PTPRJ: variants seen among roughly 807,000 people sequenced by gnomAD.
PTPRJ encodes protein tyrosine phosphatase receptor type J, also known as receptor-type tyrosine-protein phosphatase eta.
Under a neutral mutation model 141.3 loss-of-function variants are expected in PTPRJ, and 129 were observed. The ratio of observed to expected loss-of-function variants is 0.91; its 90% CI spans 0.79 to 1.06. The LOEUF is 1.06. Ranked by LOEUF, PTPRJ falls within the 50% of genes least tolerant of loss-of-function variation. The pLI, the probability that PTPRJ is intolerant of heterozygous loss-of-function variation, is 0.00. For synonymous variants in PTPRJ, 610 were observed against 640.5 expected, an observed-to-expected ratio of 0.95 and a Z score of 0.72; for missense variants, 1,601 against 1,679.7, an observed-to-expected ratio of 0.95 and a Z score of 0.82.
chr11:48,008,471 GC>G (rs1393606347), intron 1 of PTPRJ, among the ~76,000 whole-genome samples: 1 of 152,058 alleles, frequency 6.6e-6, no homozygotes, highest in Non-Finnish European at 1.5e-5. Context: ...TCTTGGCCAG[GC>G]TGGTCTTGAA....
At chr11:48,006,150 A>G (rs1854615127) in intron 1 of PTPRJ, among the ~76,000 whole-genome samples, 1 of 152,156 alleles carries the variant, frequency 6.6e-6, no homozygotes, top group African/African-American at 2.4e-5. Flanking sequence ...TCGAGTTAGG[A>G]GAGTGGGTTG....
At chr11:48,074,325 T>C (rs184153134) in intron 1 of PTPRJ, among the ~76,000 whole-genome samples, 1 of 152,382 alleles carries the variant, frequency 6.6e-6, no homozygotes, top group East Asian at 1.9e-4. Flanking sequence ...GTCTTTAGTA[T>C]TGACATGTTG....
Position 48,169,944 on chromosome 11 carries a change from G to A in PTPRJ, c.*2582G>A, listed in dbSNP as rs1029056796. 3.3e-5 allele frequency: 5 copies of A among 152,168 alleles called. No homozygotes were observed. The highest frequency in any genetic ancestry group is 9.7e-5 in the African/African-American group (4 of 41,380). The allele number at this position is 152,168 out of a possible 1,614,324, so 9.4% of individuals were successfully genotyped here. Reference sequence around the variant, plus strand: ...AGGGCTGGGGACAGGGCCAGTGGGGGTGGTAAGGGTATTTATAGCACAGTG... The same window carrying A: ...AGGGCTGGGGACAGGGCCAGTGGGGATGGTAAGGGTATTTATAGCACAGTG... On this transcript the variant is annotated 3_prime_UTR_variant, in exon 25 of 25. Transcript: ENST00000418331.
intron 1 of PTPRJ, among the ~76,000 whole-genome samples, chr11:47,997,604 T>G (rs1854376948): frequency 6.6e-6 from 1 of 152,174 alleles, no homozygotes; most frequent in Non-Finnish European, 1.5e-5. Context: ...GAGTAACTGA[T>G]ACTTTTCCTG....
At chr11:48,135,353 T>C (rs1276914040) in intron 8 of PTPRJ, among the ~76,000 whole-genome samples, 1 of 151,880 alleles carries the variant, frequency 6.6e-6, no homozygotes, top group Non-Finnish European at 1.5e-5. Flanking sequence ...TTTGTACTTT[T>C]TTTGATAGAG....
At position 48,156,055 on chromosome 11, in the gene PTPRJ, G is replaced by A. The variant is rs374260795; in HGVS notation, c.3374G>A (p.Arg1125His). 2.8e-5 allele frequency: 45 copies of A among 1,601,740 alleles called. No homozygotes were observed. Among genetic ancestry groups the A allele is most frequent in the South Asian group, 1.9e-4 (17 of 90,824 alleles). ...PLPNTLKDFW[R>H]MVWEKNVYAI... The stretch of plus-strand genomic sequence containing the variant: ...CCGAACACTTTGAAAGATTTTTGGC[G>A]TATGGTTTGGGAGAAAAATGTATAT... The change falls in exon 21 of 25, where the codon CGT becomes CAT. Residue 1125 changes from arginine (R) to histidine (H), a missense_variant. Coordinates refer to ENST00000418331, the MANE Select transcript of PTPRJ (RefSeq NM_002843.4).
intron 24 of PTPRJ, among the ~76,000 whole-genome samples, chr11:48,164,829 G>C (rs980001294): frequency 2.0e-5 from 3 of 150,922 alleles, no homozygotes; most frequent in African/African-American, 7.3e-5. Flanking sequence ...GTGTCCCGAA[G>C]TGCTGGGATT....
rs374924870 is a variant in PTPRJ at position 48,110,085 on chromosome 11, C to T, written c.115+9C>T. The T allele has an allele frequency of 1.3e-4, 209 of 1,612,892 alleles. No homozygotes were observed. The highest frequency in any genetic ancestry group is 1.6e-4 in the Non-Finnish European group (191 of 1,179,014). ...CCTGTGCGCAGGTGGCAGTGAGTAC[C>T]CTTTTCCTCTCTATTCTTGTGTTGT... On this transcript the variant is annotated intron_variant, in intron 2 of 24. Transcript: ENST00000418331.
At chr11:48,131,051 C>CATAT (rs1260358599) in intron 8 of PTPRJ, among the ~76,000 whole-genome samples, 16 of 112,074 alleles carry the variant, frequency 1.4e-4, no homozygotes, top group African/African-American at 3.2e-4. Flanking sequence ...CACACACACA[C>CATAT]ATATATATAT....
At chr11:48,113,664 T>A (rs1856494402) in intron 3 of PTPRJ, among the ~76,000 whole-genome samples, 1 of 152,256 alleles carries the variant, frequency 6.6e-6, no homozygotes, top group East Asian at 1.9e-4. Flanking sequence ...AAGGTATTTC[T>A]GGGTATTGTT....
In PTPRJ at chr11:48,145,005, G is replaced by A. The variant is rs976171567; in HGVS notation, c.2792G>A (p.Cys931Tyr). 2 of 1,614,058 alleles carry A rather than the reference G, an allele frequency of 1.2e-6. No individual in the cohort carries two copies. Among genetic ancestry groups the A allele is most frequent in the African/African-American group, 1.3e-5 (1 of 74,928 alleles). ...TGCTCTTTGTTATCCCACAGGGCTT[G>A]TGTGGCTGGCTTCACCAACATTACC... is the stretch of plus-strand genomic sequence containing the variant. ...KLEPLGSYRACVAGFTNITFH... is the reference protein window; with the variant it reads ...KLEPLGSYRAYVAGFTNITFH... The change falls in exon 14 of 25, where the codon TGT (cysteine) becomes TAT (tyrosine). Residue 931 changes from cysteine (C) to tyrosine (Y), a missense_variant. Transcript: ENST00000418331.
intron 1 of PTPRJ, among the ~76,000 whole-genome samples, chr11:47,985,868 T>G (rs996347034): frequency 1.3e-5 from 2 of 152,040 alleles, no homozygotes; most frequent in Non-Finnish European, 2.9e-5. Flanking sequence ...GCGCAGCTAA[T>G]TTTTGTATTT....
At chr11:48,051,552 T>A (rs543783167) in intron 1 of PTPRJ, among the ~76,000 whole-genome samples, 3 of 152,070 alleles carry the variant, frequency 2.0e-5, no homozygotes, top group Non-Finnish European at 2.9e-5. Context: ...CACAGTGGGG[T>A]GGGTCTCATC....
intron 1 of PTPRJ, among the ~76,000 whole-genome samples, chr11:48,007,630 A>G (rs1854659241): frequency 6.6e-6 from 1 of 152,104 alleles, no homozygotes; most frequent in Non-Finnish European, 1.5e-5. Flanking sequence ...CTTGAACTCC[A>G]GACCTCAAGT....
At chr11:48,155,733 C>T (rs1216190291) in intron 19 of PTPRJ, 68 bp from the exon 20 acceptor site, 21 of 1,309,158 alleles carry the variant, frequency 1.6e-5, no homozygotes, top group Admixed American at 9.7e-5. Context: ...ATTTTTTTTT[C>T]TGTTTTGTGT....
rs199739065 is a variant in PTPRJ, at chr11:48,164,421, G to A, written c.3761G>A (p.Arg1254His). The A allele has an allele frequency of 3.0e-5, 49 of 1,614,042 alleles. No homozygotes were observed. Among genetic ancestry groups the A allele is most frequent in the Middle Eastern group, 1.6e-4 (1 of 6,062 alleles). ...ACGGGCACTTTCATTGCCATTGATC[G>A]TCTCATCTACCAGATAGAGAATGAG... ...GRTGTFIAID[R>H]LIYQIENENT... is the part of the protein sequence containing the mutation. The change falls in exon 24 of 25, where the codon CGT (arginine) becomes CAT (histidine). Residue 1254 changes from arginine (R) to histidine (H), a missense_variant. By Grantham distance (29) the Arg-to-His change is conservative. Transcript: ENST00000418331.
Position 48,137,009 on chromosome 11 carries a change from G to C in PTPRJ, c.1880G>C (p.Ser627Thr). The C allele has an allele frequency of 6.3e-7, 1 of 1,599,150 alleles. No homozygotes were observed. The highest frequency in any genetic ancestry group is 8.6e-7 in the Non-Finnish European group (1 of 1,166,702). ...PNSTAQYTRP[S>T]NVSNIDVSTN... The stretch of plus-strand genomic sequence containing the variant: ...CCTTTTTTTTAAAATCAAGGGCCCA[G>C]CAATGTGTCCAACATTGATGTAAGT... Residue 627 changes from serine (S) to threonine (T), a missense_variant, in exon 10 of 25, where the codon AGC becomes ACC. Coordinates refer to ENST00000418331, the MANE Select transcript of PTPRJ (RefSeq NM_002843.4).
chr11:48,116,958 C>A (rs1856579945), intron 3 of PTPRJ, among the ~76,000 whole-genome samples: 1 of 152,146 alleles, frequency 6.6e-6, no homozygotes, highest in African/African-American at 2.4e-5. Context: ...TGCTGTGAGA[C>A]ATAAATTAGA....
At position 48,113,118 on chromosome 11, in the gene PTPRJ, A is replaced by T. The variant is rs1856481432; in HGVS notation, c.352+135A>T. ...TTTAAAAATTTTTATAAAGATAGTA[A>T]TGCATATTCATTATATAAAACATAG... On this transcript the variant is annotated intron_variant, in intron 3 of 24. Coordinates refer to ENST00000418331, the MANE Select transcript of PTPRJ (RefSeq NM_002843.4). 1.1e-5 allele frequency: 7 copies of T among 652,648 alleles called. No individual in the cohort carries two copies. In the East Asian group the frequency reaches 1.9e-4, roughly 18 times the overall value. The allele number at this position is 652,648 out of a possible 1,614,324, so 40.4% of individuals were successfully genotyped here. A position where few individuals can be genotyped will look rare whatever the true frequency, so the allele number is the denominator to read the frequency against.
Sources: gnomAD v4.1 joint callset for allele counts (sites outside exome capture counted in the v4.1 genomes callset) on GRCh38, gnomAD v4.1.1 for gene constraint, MANE v1.5 for transcripts, NCBI Gene and HGNC (gene_info 2026-07-23, HGNC 2026-07-21) for gene names.